Variants in CFAP299 observed in about 807,000 individuals in gnomAD.
CFAP299 encodes the protein cilia and flagella associated protein 299, also known as cilia- and flagella-associated protein 299.
Under a neutral mutation model 27.0 loss-of-function variants are expected in CFAP299, and 21 were observed. The observed-to-expected ratio is 0.78, with a 90% CI of 0.55 to 1.12. The LOEUF is 1.12. Among genes scored for constraint, CFAP299 ranks in the 50% most tolerant of loss-of-function variants. The pLI is 0.00. For synonymous variants in CFAP299, 104 were observed against 98.1 expected, an observed-to-expected ratio of 1.06 and a Z score of -0.36; for missense variants, 310 against 276.6, an observed-to-expected ratio of 1.12 and a Z score of -0.86.
At chr4:80,669,248 C>T (rs979729647) in intron 3 of CFAP299, among the ~76,000 whole-genome samples, 1 of 144,082 alleles carries the variant, frequency 6.9e-6, no homozygotes, top group African/African-American at 2.6e-5. Flanking sequence ...GCAACCCCCA[C>T]CTCCCAGGTT....
Position 80,496,427 on chromosome 4 carries a change from A to G in CFAP299, c.243-86666A>G, listed in dbSNP as rs144404038. On this transcript the variant is annotated intron_variant, in intron 2 of 5. Transcript: ENST00000358105. ...GCCAGGGTCTTTGCTAAGGCATAACACATGTGACCTTTGCTCCAGTTCCCA... is the reference window on the plus strand; with the variant it reads ...GCCAGGGTCTTTGCTAAGGCATAACGCATGTGACCTTTGCTCCAGTTCCCA... Among the ~76,000 whole-genome samples, 914 of 152,316 alleles carry G rather than the reference A, an allele frequency of 6.0e-3. 10 individuals are homozygous for G. The highest frequency in any genetic ancestry group is 0.021 in the African/African-American group (856 of 41,572).
intron 4 of CFAP299, among the ~76,000 whole-genome samples, chr4:80,918,538 G>A (rs1481235868): frequency 6.6e-6 from 1 of 152,014 alleles, no homozygotes; most frequent in Non-Finnish European, 1.5e-5. Flanking sequence ...GAGAGAGAGA[G>A]AAAGAGAAAG....
At chr4:80,722,749 A>C (rs1722909366) in intron 3 of CFAP299, among the ~76,000 whole-genome samples, 1 of 151,874 alleles carries the variant, frequency 6.6e-6, no homozygotes. Flanking sequence ...AAATACAAAA[A>C]ATTAGCCGGG....
chr4:80,818,148 C>T (rs1729519380), intron 3 of CFAP299, among the ~76,000 whole-genome samples: 1 of 152,108 alleles, frequency 6.6e-6, no homozygotes, highest in African/African-American at 2.4e-5. Context: ...TAAGGGCTTC[C>T]AACTCCATCC....
At chr4:80,729,267 C>T (rs1447899583) in intron 3 of CFAP299, among the ~76,000 whole-genome samples, 1 of 152,168 alleles carries the variant, frequency 6.6e-6, no homozygotes, top group African/African-American at 2.4e-5. Flanking sequence ...AACAGTGCTA[C>T]CTTAACCCAT....
At chr4:80,660,013 A>G (rs2109979961) in intron 3 of CFAP299, among the ~76,000 whole-genome samples, 1 of 152,272 alleles carries the variant, frequency 6.6e-6, no homozygotes, top group Middle Eastern at 3.4e-3. Flanking sequence ...TTAGACTGAC[A>G]CTATCTGAAC....
chr4:80,729,416 A>G (rs1204903410), intron 3 of CFAP299, among the ~76,000 whole-genome samples: 2 of 151,974 alleles, frequency 1.3e-5, no homozygotes, highest in African/African-American at 4.8e-5. Flanking sequence ...CTTCTAACAT[A>G]TAGATTATGG....
chr4:80,761,722 C>A (rs530114186), intron 3 of CFAP299, among the ~76,000 whole-genome samples: 4 of 151,790 alleles, frequency 2.6e-5, no homozygotes, highest in African/African-American at 9.7e-5. Flanking sequence ...GAATAATAAC[C>A]AGACAAAGTC....
chr4:80,924,006 G>C (rs1278095224), intron 4 of CFAP299, among the ~76,000 whole-genome samples: 1 of 151,980 alleles, frequency 6.6e-6, no homozygotes, highest in Admixed American at 6.6e-5. Flanking sequence ...TCTCATTGAT[G>C]AGAGTGAGTT....
At chr4:80,777,467 C>CTGA (rs1206087491) in intron 3 of CFAP299, among the ~76,000 whole-genome samples, 2 of 152,010 alleles carry the variant, frequency 1.3e-5, no homozygotes, top group African/African-American at 2.4e-5. Context: ...TACTTCAGTG[C>CTGA]TGATACTACT....
At chr4:80,598,200 G>A (rs1281258778) in intron 3 of CFAP299, among the ~76,000 whole-genome samples, 1 of 152,150 alleles carries the variant, frequency 6.6e-6, no homozygotes, top group Non-Finnish European at 1.5e-5. Flanking sequence ...AGAAGCCTGA[G>A]GACAGAGCCT....
chr4:80,436,591 C>T (rs536410889), intron 2 of CFAP299, among the ~76,000 whole-genome samples: 28 of 152,282 alleles, frequency 1.8e-4, no homozygotes, highest in African/African-American at 5.1e-4. Flanking sequence ...TGTGAGCCAC[C>T]GTGCCTGGCC....
chr4:80,530,712 TA>T (rs1474053787), intron 2 of CFAP299, among the ~76,000 whole-genome samples: 2 of 152,226 alleles, frequency 1.3e-5, no homozygotes, highest in African/African-American at 4.8e-5. Flanking sequence ...CATTATTTCA[TA>T]ATGCCATCAG....
chr4:80,589,705 C>T (rs949957825), intron 3 of CFAP299, among the ~76,000 whole-genome samples: 4 of 152,146 alleles, frequency 2.6e-5, no homozygotes, highest in African/African-American at 9.7e-5. Flanking sequence ...CTCAGCTGTA[C>T]TAATCTGATT....
intron 3 of CFAP299, among the ~76,000 whole-genome samples, chr4:80,736,553 C>T (rs1394800216): frequency 9.9e-4 from 151 of 151,974 alleles, no homozygotes; most frequent in Non-Finnish European, 6.5e-4. Context: ...CCAAAAAACA[C>T]ATGAAAAAAT....
At chr4:80,834,241 G>A (rs1243120279) in intron 3 of CFAP299, among the ~76,000 whole-genome samples, 1 of 152,096 alleles carries the variant, frequency 6.6e-6, no homozygotes. Context: ...TGATTAAAGG[G>A]ACTGTCTGAA....
intron 3 of CFAP299, among the ~76,000 whole-genome samples, chr4:80,757,433 T>C (rs1166000271): frequency 6.6e-6 from 1 of 152,146 alleles, no homozygotes; most frequent in Admixed American, 6.5e-5. Flanking sequence ...AAAGAGGTTA[T>C]AGTAGGGAAT....
chr4:80,913,450 T>A (rs1735580325), intron 4 of CFAP299, among the ~76,000 whole-genome samples: 1 of 152,180 alleles, frequency 6.6e-6, no homozygotes, highest in African/African-American at 2.4e-5. Context: ...TGCTCACACT[T>A]CATTGCAGCT....
chr4:80,624,484 A>G (rs76722237), intron 3 of CFAP299, among the ~76,000 whole-genome samples: 8,737 of 151,982 alleles, frequency 0.057, 751 homozygotes, highest in African/African-American at 0.18. Context: ...TAAGCTTATG[A>G]GATTTATGGG....
Sources: gnomAD v4.1 joint callset for allele counts (sites outside exome capture counted in the v4.1 genomes callset) on GRCh38, gnomAD v4.1.1 for gene constraint, MANE v1.5 for transcripts, NCBI Gene and HGNC (gene_info 2026-07-23, HGNC 2026-07-21) for gene names.